The following HECW2 variants were observed in gnomAD, a reference collection of about 807,000 sequenced individuals.
The protein encoded by HECW2 is E3 ubiquitin-protein ligase HECW2.
Under a neutral mutation model 175.2 loss-of-function variants are expected in HECW2, and 61 were observed. The ratio of observed to expected loss-of-function variants is 0.35; its 90% CI spans 0.28 to 0.43. HECW2 has a LOEUF of 0.43. Ranked by LOEUF, HECW2 falls within the 20% of genes least tolerant of loss-of-function variation. The pLI is 1.00. For missense variants in HECW2, 1,524 were observed against 2,000.5 expected (o/e 0.76, Z 4.54); for synonymous variants, 671 against 731.0 (o/e 0.92, Z 1.32).
At chr2:196,251,309 T>C (rs1056263344) in intron 19 of HECW2, among the ~76,000 whole-genome samples, 2 of 152,222 alleles carry the variant, frequency 1.3e-5, no homozygotes, top group African/African-American at 4.8e-5. Context: ...CTGTCTCAGC[T>C]CATCCCTTAA....
intron 4 of HECW2, among the ~76,000 whole-genome samples, chr2:196,330,285 A>G (rs1272784262): frequency 1.3e-5 from 2 of 152,228 alleles, no homozygotes; most frequent in Admixed American, 6.5e-5. Context: ...TAAACCACCT[A>G]GCAAATTTAG....
intron 1 of HECW2, among the ~76,000 whole-genome samples, chr2:196,463,796 A>G (rs1696839590): frequency 6.6e-6 from 1 of 152,210 alleles, no homozygotes; most frequent in South Asian, 2.1e-4. Flanking sequence ...CAGCCTGTAC[A>G]GTGATCTTCC....
intron 6 of HECW2, among the ~76,000 whole-genome samples, chr2:196,323,915 GTTTGT>G (rs557721103): frequency 0.065 from 4,446 of 68,746 alleles, 244 homozygotes; most frequent in African/African-American, 0.18. Context: ...TTTGTTTTTT[GTTTGT>G]TTTTTTTTTT....
At chr2:196,206,256 A>G (rs1687064059) in intron 28 of HECW2, among the ~76,000 whole-genome samples, 1 of 152,260 alleles carries the variant, frequency 6.6e-6, no homozygotes, top group Admixed American at 6.5e-5. Context: ...CACTCAAGGA[A>G]AGCAGGTCTG....
In HECW2 at chr2:196,197,391, C is replaced by T. The variant is rs1212280033; in HGVS notation, c.*3886G>A. ...TTAAAAATTTAAAAATAAAATAAGG[C>T]TTCTGATTAATGTTTTCCATTATCT... is the stretch of plus-strand genomic sequence containing the variant. On this transcript the variant is annotated 3_prime_UTR_variant, in exon 29 of 29. Transcript: ENST00000644978. The T allele has an allele frequency of 6.6e-6, 1 of 150,698 alleles. No individual in the cohort carries two copies. Among genetic ancestry groups the T allele is most frequent in the Non-Finnish European group, 1.5e-5 (1 of 67,830 alleles). 9.3% of individuals were successfully genotyped at this position (150,698 alleles called of 1,614,324 possible).
At chr2:196,321,546 C>T (rs1258915772) in intron 7 of HECW2, among the ~76,000 whole-genome samples, 8 of 151,850 alleles carry the variant, frequency 5.3e-5, no homozygotes, top group Non-Finnish European at 8.8e-5. Flanking sequence ...TATAGGTGCC[C>T]GCCACCACAC....
At chr2:196,345,577 C>G (rs749774678) in intron 2 of HECW2, among the ~76,000 whole-genome samples, 1 of 152,198 alleles carries the variant, frequency 6.6e-6, no homozygotes, top group African/African-American at 2.4e-5. Flanking sequence ...AGAAGCAAGA[C>G]GCAATCAGGA....
At chr2:196,496,060 A>C (rs530561621) in intron 1 of HECW2, among the ~76,000 whole-genome samples, 1 of 152,300 alleles carries the variant, frequency 6.6e-6, no homozygotes, top group South Asian at 2.1e-4. Context: ...AAGAAACTCT[A>C]ATTATAAAAT....
At chr2:196,488,186 T>A (rs1304250521) in intron 1 of HECW2, among the ~76,000 whole-genome samples, 2 of 152,184 alleles carry the variant, frequency 1.3e-5, no homozygotes, top group African/African-American at 4.8e-5. Flanking sequence ...TCTATTATGA[T>A]CCCATTTCTC....
rs1559429744 is a variant in HECW2, at chr2:196,201,410, C to CAT, written c.4608-24_4608-23dup. 2.6e-6 allele frequency: 4 copies of CAT among 1,543,506 alleles called. No homozygotes were observed. In the Admixed American group the frequency reaches 5.0e-5, roughly 19 times the overall value. On this transcript the variant is annotated intron_variant, in intron 28 of 28. Transcript: ENST00000644978. ...CGCTCTGAAAACACAAGAAACAGCA[C>CAT]ATAGTTTAGAACAGGCCGAGTGAAA...
intron 2 of HECW2, among the ~76,000 whole-genome samples, chr2:196,403,937 T>C (rs918686021): frequency 1.3e-5 from 2 of 152,230 alleles, no homozygotes; most frequent in African/African-American, 4.8e-5. Flanking sequence ...ACCTTCTCTA[T>C]AGAACCCAGA....
At chr2:196,323,906 T>C (rs1692043184) in intron 6 of HECW2, among the ~76,000 whole-genome samples, 1 of 104,166 alleles carries the variant, frequency 9.6e-6, no homozygotes, top group Non-Finnish European at 1.7e-5. Flanking sequence ...AGAGTTTTTT[T>C]TGTTTTTTGT....
Position 196,283,261 on chromosome 2 carries a change from C to CAAAAA in HECW2, c.3001-4604_3001-4600dup, listed in dbSNP as rs1190850443. Reference sequence around the variant, plus strand: ...TGGGTGACAGAGCAAGACTCCATCTCAAAAAAAAAAAAAAAAAAAAAAAGT... The same window carrying CAAAAA: ...TGGGTGACAGAGCAAGACTCCATCTCAAAAAAAAAAAAAAAAAAAAAAAAAAAAGT... On this transcript the variant is annotated intron_variant, in intron 14 of 28. Transcript: ENST00000644978. Among the ~76,000 whole-genome samples the CAAAAA allele has an allele frequency of 1.6e-3, 73 of 45,286 alleles. 1 individual carries two copies. The highest frequency in any genetic ancestry group is 2.6e-3 in the Non-Finnish European group (69 of 26,146). 29.7% of individuals were successfully genotyped at this position (45,286 alleles called of 152,430 possible).
At chr2:196,407,055 T>C (rs1694984268) in intron 2 of HECW2, among the ~76,000 whole-genome samples, 1 of 152,208 alleles carries the variant, frequency 6.6e-6, no homozygotes, top group Non-Finnish European at 1.5e-5. Context: ...GAAGTATGTC[T>C]AGCGCCAAGT....
intron 28 of HECW2, among the ~76,000 whole-genome samples, chr2:196,215,508 T>A (rs1435766525): frequency 5.3e-5 from 8 of 152,138 alleles, no homozygotes; most frequent in South Asian, 2.1e-4. Flanking sequence ...CAACGGTAAT[T>A]TTTACTGAAG....
chr2:196,352,200 G>A (rs1036266364), intron 2 of HECW2, among the ~76,000 whole-genome samples: 1 of 152,198 alleles, frequency 6.6e-6, no homozygotes, highest in Non-Finnish European at 1.5e-5. Context: ...ACAAGAGTGT[G>A]TCTGACAATC....
At chr2:196,327,849 A>C (rs1366133149) in intron 5 of HECW2, among the ~76,000 whole-genome samples, 1 of 152,234 alleles carries the variant, frequency 6.6e-6, no homozygotes, top group Admixed American at 6.5e-5. Flanking sequence ...CTGTGCCTCA[A>C]AGCTTACTTC....
At chr2:196,395,302 A>G (rs1694629187) in intron 2 of HECW2, among the ~76,000 whole-genome samples, 4 of 152,240 alleles carry the variant, frequency 2.6e-5, no homozygotes, top group Admixed American at 2.0e-4. Flanking sequence ...GGATTTGGCA[A>G]TGATTTCTTG....
At position 196,319,090 on chromosome 2, in the gene HECW2, A is replaced by C; in HGVS notation, c.1800T>G (p.Ser600=). The C allele has an allele frequency of 6.2e-7, 1 of 1,603,102 alleles. No individual in the cohort carries two copies. Among genetic ancestry groups the C allele is most frequent in the Non-Finnish European group, 8.5e-7 (1 of 1,174,706 alleles). The change falls in exon 9 of 29, where the codon TCT becomes TCG. Residue 600 remains serine (S), a synonymous_variant. Coordinates refer to ENST00000644978, the MANE Select transcript of HECW2 (RefSeq NM_001348768.2). ...GGGAAGGCTCAGAGCCCTGATCGAGAGACTCGGTCTCACTGACGGCTCTTC... is the reference window on the plus strand; with the variant it reads ...GGGAAGGCTCAGAGCCCTGATCGAGCGACTCGGTCTCACTGACGGCTCTTC... The part of the protein sequence containing the change: ...GSRRAVSETE[S]LDQGSEPSQV...
Sources: allele counts gnomAD v4.1 joint callset (sites outside exome capture counted in the v4.1 genomes callset), GRCh38; gene constraint gnomAD v4.1.1; transcripts MANE v1.5; gene names NCBI Gene and HGNC (gene_info 2026-07-23, HGNC 2026-07-21).